Variants in SLC26A8 observed in about 807,000 individuals in gnomAD.
The protein encoded by SLC26A8 is solute carrier family 26 member 8, also known as testis anion transporter 1.
SLC26A8 carries 70 observed loss-of-function variants against 105.0 expected under a neutral mutation model. The observed-to-expected ratio is 0.67, with a 90% CI of 0.55 to 0.81. SLC26A8 has a LOEUF of 0.81. Among genes scored for constraint, SLC26A8 ranks in the 40% least tolerant of loss-of-function variants. The pLI is 0.00. For missense variants in SLC26A8, 998 were observed against 1,181.8 expected (o/e 0.84, Z 2.28); for synonymous variants, 415 against 438.3 (o/e 0.95, Z 0.66).
In SLC26A8 at chr6:35,991,780, G is replaced by C. The variant is rs1267495226; in HGVS notation, c.821C>G (p.Pro274Arg). ...TAGAATGCTGGTGGAATTCGCTTTTGGGAGAGCTACACAGTAATTAATTAT... is the reference window on the plus strand; with the variant it reads ...TAGAATGCTGGTGGAATTCGCTTTTCGGAGAGCTACACAGTAATTAATTAT... ...YDIINYCVAL[P>R]KANSTSILVF... Residue 274 changes from proline to arginine, a missense_variant, in exon 7 of 20, where the codon CCA becomes CGA. By Grantham distance (103) the Pro-to-Arg change is moderately radical. Transcript: ENST00000490799. 6.2e-7 allele frequency: 1 copy of C among 1,603,712 alleles called. No individual in the cohort carries two copies. Among genetic ancestry groups the C allele is most frequent in the African/African-American group, 1.3e-5 (1 of 74,516 alleles).
intron 8 of SLC26A8, 96 bp from the exon 9 acceptor site, chr6:35,977,447 T>C: frequency 7.7e-7 from 1 of 1,299,838 alleles, no homozygotes; most frequent in South Asian, 1.8e-5. Context: ...TGATTCTTTT[T>C]TTTTTTTTTT....
Position 35,960,681 on chromosome 6 carries a change from CAAAG to C in SLC26A8, c.1638+158_1638+161del, listed in dbSNP as rs368572185. Reference sequence around the variant, plus strand: ...CTGTCTCCAAAAAAAAAAATAAAAACAAAGAACCCATCTCTACCAGTGTACATCA... The same window carrying C: ...CTGTCTCCAAAAAAAAAAATAAAAACAACCCATCTCTACCAGTGTACATCA... On this transcript the variant is annotated intron_variant, in intron 14 of 19. Coordinates refer to ENST00000490799, the MANE Select transcript of SLC26A8 (RefSeq NM_052961.4). 5.0e-4 allele frequency: 346 copies of C among 688,538 alleles called. 1 individual carries two copies. The highest frequency in any genetic ancestry group is 3.8e-3 in the African/African-American group (208 of 54,416). The allele number at this position is 688,538 out of a possible 1,614,324, so 42.7% of individuals were successfully genotyped here.
chr6:35,992,391 C>T (rs1252420929), intron 6 of SLC26A8, 119 bp downstream of exon 6: 2 of 990,422 alleles, frequency 2.0e-6, no homozygotes, highest in African/African-American at 1.7e-5. Flanking sequence ...CTTGACTGAG[C>T]TGCCTATAGG....
chr6:36,003,779 A>G (rs1261531935), intron 3 of SLC26A8, among the ~76,000 whole-genome samples: 3 of 150,994 alleles, frequency 2.0e-5, no homozygotes, highest in Non-Finnish European at 4.4e-5. Context: ...CTCCTGCCTC[A>G]GCCTCCTGAG....
chr6:35,984,262 A>G (rs189457761), intron 7 of SLC26A8, among the ~76,000 whole-genome samples: 1 of 148,564 alleles, frequency 6.7e-6, no homozygotes, highest in East Asian at 2.0e-4. Flanking sequence ...CATTGTAATT[A>G]TTTATAGCAT....
intron 16 of SLC26A8, 81 bp downstream of exon 16, chr6:35,959,379 T>C (rs1772218813): frequency 7.0e-7 from 1 of 1,429,512 alleles, no homozygotes; most frequent in Non-Finnish European, 9.4e-7. Flanking sequence ...TTAGAGGTTT[T>C]GATTTTTTTT....
Position 35,969,102 on chromosome 6 carries a change from T to G in SLC26A8, c.1288-148A>C, listed in dbSNP as rs764021064. On this transcript the variant is annotated intron_variant, in intron 10 of 19. Transcript: ENST00000490799. The stretch of plus-strand genomic sequence containing the variant: ...AAGTGTATTTTTGTTGAACTGACAT[T>G]TTCAAGTCTTATCAAAGTGCTAAAC... 415 of 648,042 alleles carry G rather than the reference T, an allele frequency of 6.4e-4. 4 individuals are homozygous for G. The highest frequency in any genetic ancestry group is 2.2e-4 in the Non-Finnish European group (78 of 357,414). The allele number at this position is 648,042 out of a possible 1,614,324, so 40.1% of individuals were successfully genotyped here. A position where few individuals can be genotyped will look rare whatever the true frequency, so the allele number is the denominator to read the frequency against.
intron 7 of SLC26A8, among the ~76,000 whole-genome samples, chr6:35,990,818 G>A (rs745857695): frequency 2.6e-5 from 4 of 152,116 alleles, no homozygotes; most frequent in Non-Finnish European, 5.9e-5. Context: ...TGCAACTATA[G>A]GAATTTCTTT....
chr6:36,013,679 T>C (rs1761923951), intron 2 of SLC26A8, among the ~76,000 whole-genome samples: 1 of 152,194 alleles, frequency 6.6e-6, no homozygotes. Context: ...AATTTGGTTT[T>C]AAATTGTTTT....
intron 3 of SLC26A8, among the ~76,000 whole-genome samples, chr6:36,002,582 ATT>A (rs1248271763): frequency 6.6e-6 from 1 of 152,060 alleles, no homozygotes; most frequent in Non-Finnish European, 1.5e-5. Context: ...TTTCCATTTT[ATT>A]ACTAATAATG....
intron 9 of SLC26A8, among the ~76,000 whole-genome samples, chr6:35,975,879 C>T (rs1772995367): frequency 7.0e-6 from 1 of 143,106 alleles, no homozygotes; most frequent in Non-Finnish European, 1.5e-5. Flanking sequence ...CACCATTGCA[C>T]TCCAGCCTGG....
chr6:35,990,528 A>G (rs982430913), intron 7 of SLC26A8: 5 of 154,844 alleles, frequency 3.2e-5, no homozygotes, highest in African/African-American at 1.2e-4. Context: ...TTAATTTTTT[A>G]GGAAGGTCCT....
intron 3 of SLC26A8, among the ~76,000 whole-genome samples, chr6:36,011,286 A>G (rs1761849950): frequency 6.6e-6 from 1 of 152,214 alleles, no homozygotes; most frequent in South Asian, 2.1e-4. Context: ...CCCAAATAGT[A>G]TATTCCATCT....
chr6:35,943,983 G>A lies in SLC26A8; in HGVS notation c.2830C>T (p.Gln944Ter). ...PSMASTQSQTQTRTWSVERRR... is the reference protein window; with the variant it reads ...PSMASTQSQT ...CTCTCCACTGACCATGTCCGAGTCT[G>A]AGTCTGAGACTGGGTGGAAGCCATA... is the stretch of plus-strand genomic sequence containing the variant. The change falls in exon 20 of 20, where the codon CAG becomes TAG. Residue 944 changes from glutamine (Q) to a stop codon, truncating the protein, a stop_gained. Coordinates refer to ENST00000490799, the MANE Select transcript of SLC26A8 (RefSeq NM_052961.4). LOFTEE classifies it high-confidence loss of function. 6.2e-7 allele frequency: 1 copy of A among 1,614,190 alleles called. No individual in the cohort carries two copies. The highest frequency in any genetic ancestry group is 2.2e-5 in the East Asian group (1 of 44,888).
At chr6:36,023,574 G>C (rs374364201) in intron 1 of SLC26A8, among the ~76,000 whole-genome samples, 5 of 124,080 alleles carry the variant, frequency 4.0e-5, no homozygotes, top group African/African-American at 1.5e-4. Context: ...AAAAAGTCAA[G>C]AATAAAAAGT....
chr6:36,004,242 A>AT (rs1033745591), intron 3 of SLC26A8, among the ~76,000 whole-genome samples: 1 of 150,668 alleles, frequency 6.6e-6, no homozygotes, highest in Non-Finnish European at 1.5e-5. Context: ...GCCCATCTAG[A>AT]TTTTTTGTAG....
intron 2 of SLC26A8, among the ~76,000 whole-genome samples, chr6:36,016,196 G>A (rs538725226): frequency 2.0e-5 from 3 of 151,958 alleles, no homozygotes; most frequent in Non-Finnish European, 4.4e-5. Context: ...GTTTCACCAC[G>A]TTGGCCAGGA....
Position 35,991,648 on chromosome 6 carries a change from A to G in SLC26A8, c.942+11T>C, listed in dbSNP as rs768263138. 9 of 1,539,146 alleles carry G rather than the reference A, an allele frequency of 5.8e-6. No individual in the cohort carries two copies. In the South Asian group the frequency reaches 1.0e-4, roughly 17 times the overall value. On this transcript the variant is annotated intron_variant, in intron 7 of 19. Transcript: ENST00000490799. ...TGCAAACTATGAATTTGAGACATCAAAAACACCTACCAGAAATAATTCCAT... is the reference window on the plus strand; with the variant it reads ...TGCAAACTATGAATTTGAGACATCAGAAACACCTACCAGAAATAATTCCAT...
At chr6:35,988,502 G>A (rs897835603) in intron 7 of SLC26A8, among the ~76,000 whole-genome samples, 1 of 151,978 alleles carries the variant, frequency 6.6e-6, no homozygotes, top group African/African-American at 2.4e-5. Context: ...GGGCATGGTG[G>A]TGGGCACCTG....
Sources: allele counts gnomAD v4.1 joint callset (sites outside exome capture counted in the v4.1 genomes callset), GRCh38; gene constraint gnomAD v4.1.1; transcripts MANE v1.5; gene names NCBI Gene and HGNC (gene_info 2026-07-23, HGNC 2026-07-21).